The following FSTL5 variants were observed in gnomAD, a reference collection of about 807,000 sequenced individuals.
FSTL5 encodes the protein follistatin like 5.
In FSTL5, 62 loss-of-function variants were observed where a neutral mutation model predicts 89.1. That is an observed-to-expected ratio of 0.70 (90% CI 0.57 to 0.86). The LOEUF (loss-of-function observed/expected upper bound fraction) is 0.86. Ranked by LOEUF, FSTL5 falls within the 40% of genes least tolerant of loss-of-function variation. The probability of loss-of-function intolerance (pLI) is 0.00; values close to 1 mark genes in which losing one functional copy is unlikely to be tolerated. For missense variants in FSTL5, 1,057 were observed against 1,001.6 expected (o/e 1.06, Z -0.75); for synonymous variants, 383 against 346.2 (o/e 1.11, Z -1.18).
At chr4:161,467,231 G>GA (rs1290584460) in intron 13 of FSTL5, among the ~76,000 whole-genome samples, 6 of 151,638 alleles carry the variant, frequency 4.0e-5, no homozygotes, top group African/African-American at 1.5e-4. Context: ...TAATGTTTGG[G>GA]AAATAATTAA....
chr4:161,969,513 G>GA (rs924427893), intron 3 of FSTL5, among the ~76,000 whole-genome samples: 18 of 151,430 alleles, frequency 1.2e-4, no homozygotes, highest in East Asian at 3.9e-4. Context: ...TTTGGTTTTG[G>GA]AAAAAAAATC....
At chr4:161,906,392 GTT>G (rs1161077365) in intron 4 of FSTL5, among the ~76,000 whole-genome samples, 1 of 152,112 alleles carries the variant, frequency 6.6e-6, no homozygotes. Context: ...CGCTAAAATT[GTT>G]CCAGTTGCTC....
chr4:161,725,123 G>T (rs1332238731), intron 6 of FSTL5, among the ~76,000 whole-genome samples: 1 of 152,114 alleles, frequency 6.6e-6, no homozygotes, highest in Non-Finnish European at 1.5e-5. Flanking sequence ...TTGAACCGGG[G>T]AGGCAGAGGT....
rs954692468 is a variant in FSTL5, at chr4:161,880,049, G to T, written c.409+40355C>A. 2.6e-5 allele frequency among the ~76,000 whole-genome samples: 4 copies of T among 152,162 alleles called. No individual in the cohort carries two copies. The South Asian group carries it at 8.3e-4, about 32-fold the overall frequency. On this transcript the variant is annotated intron_variant, in intron 4 of 15. Coordinates refer to ENST00000306100, the MANE Select transcript of FSTL5 (RefSeq NM_020116.5). ...CAAGATGCTTAGTCACATCAGCCAA[G>T]CCCCTTTTTTGAGATATTCCATGTT...
chr4:162,045,991 T>C (rs1325879356), intron 2 of FSTL5, among the ~76,000 whole-genome samples: 3 of 152,162 alleles, frequency 2.0e-5, no homozygotes, highest in Non-Finnish European at 2.9e-5. Context: ...ACATTCTAAC[T>C]AACTCACTTT....
chr4:162,095,717 T>C (rs894923572), intron 2 of FSTL5, among the ~76,000 whole-genome samples: 2 of 152,002 alleles, frequency 1.3e-5, no homozygotes, highest in African/African-American at 4.8e-5. Context: ...GAAAATTAAA[T>C]GATATTGTAG....
chr4:161,617,641 C>T (rs969341775), intron 7 of FSTL5, among the ~76,000 whole-genome samples: 5 of 152,156 alleles, frequency 3.3e-5, no homozygotes, highest in Non-Finnish European at 7.3e-5. Flanking sequence ...AAAAGTGACA[C>T]ATTGCATATA....
chr4:161,700,114 A>G (rs115387874), intron 6 of FSTL5, among the ~76,000 whole-genome samples: 2,307 of 152,306 alleles, frequency 0.015, 24 homozygotes, highest in Non-Finnish European at 0.023. Context: ...ATGAGTACAT[A>G]TTGCTTACCA....
chr4:161,451,686 T>C (rs139732190), intron 15 of FSTL5, among the ~76,000 whole-genome samples: 19 of 152,350 alleles, frequency 1.2e-4, no homozygotes, highest in Non-Finnish European at 7.3e-5. Context: ...CTTATTACTG[T>C]AGTTACTGGT....
chr4:161,966,423 A>G (rs1017110110), intron 3 of FSTL5, among the ~76,000 whole-genome samples: 3 of 152,218 alleles, frequency 2.0e-5, no homozygotes, highest in South Asian at 4.1e-4. Flanking sequence ...AAAGCCTATT[A>G]TTGGCTGAAT....
intron 10 of FSTL5, among the ~76,000 whole-genome samples, chr4:161,536,067 T>C (rs1159866842): frequency 6.6e-6 from 1 of 151,752 alleles, no homozygotes; most frequent in Non-Finnish European, 1.5e-5. Context: ...ATGGGAAAAA[T>C]GGACACTGGG....
intron 11 of FSTL5, among the ~76,000 whole-genome samples, chr4:161,505,305 C>T (rs1386682143): frequency 1.3e-5 from 2 of 151,442 alleles, no homozygotes; most frequent in Admixed American, 1.3e-4. Context: ...TCTTTGTACA[C>T]AGAGCAAAAT....
At chr4:161,719,058 T>A (rs1306970373) in intron 6 of FSTL5, among the ~76,000 whole-genome samples, 7 of 151,984 alleles carry the variant, frequency 4.6e-5, no homozygotes, top group African/African-American at 7.2e-5. Context: ...ATACAAACTT[T>A]CATCTGTAGT....
chr4:161,419,291 A>G (rs1399482555), intron 15 of FSTL5, among the ~76,000 whole-genome samples: 1 of 152,118 alleles, frequency 6.6e-6, no homozygotes, highest in Non-Finnish European at 1.5e-5. Context: ...TCTTCTGTCT[A>G]AACCATACAT....
intron 6 of FSTL5, among the ~76,000 whole-genome samples, chr4:161,673,125 C>A (rs965706011): frequency 5.3e-5 from 8 of 151,904 alleles, no homozygotes; most frequent in Non-Finnish European, 1.2e-4. Context: ...ATGCTCTGTA[C>A]GTTTATTGCT....
At chr4:161,933,607 T>A (rs1246516732) in intron 3 of FSTL5, among the ~76,000 whole-genome samples, 2 of 147,864 alleles carry the variant, frequency 1.4e-5, no homozygotes, top group Non-Finnish European at 3.0e-5. Context: ...GATCATGGAT[T>A]TTTTTTTTTT....
At chr4:161,732,748 A>G (rs1421281538) in intron 6 of FSTL5, among the ~76,000 whole-genome samples, 1 of 151,794 alleles carries the variant, frequency 6.6e-6, no homozygotes, top group Non-Finnish European at 1.5e-5. Flanking sequence ...CTTCTGTTGA[A>G]AGGATTACTC....
chr4:162,070,289 CA>C (rs1389440435), intron 2 of FSTL5, among the ~76,000 whole-genome samples: 1 of 151,762 alleles, frequency 6.6e-6, no homozygotes, highest in Non-Finnish European at 1.5e-5. Context: ...AAACCCTTTG[CA>C]AGTGTTTTAT....
chr4:161,430,507 G>A (rs1037471861), intron 15 of FSTL5, among the ~76,000 whole-genome samples: 5 of 152,162 alleles, frequency 3.3e-5, no homozygotes, highest in East Asian at 1.9e-4. Context: ...TTGGGAGGCC[G>A]AAGCAGGTGG....
Sources: gnomAD v4.1 joint callset for allele counts (sites outside exome capture counted in the v4.1 genomes callset) on GRCh38, gnomAD v4.1.1 for gene constraint, MANE v1.5 for transcripts, NCBI Gene and HGNC (gene_info 2026-07-23, HGNC 2026-07-21) for gene names.